Variants in GTPBP6 observed in about 807,000 individuals in gnomAD.
The protein encoded by GTPBP6 is putative GTP-binding protein 6.
A neutral mutation model predicts 28.9 loss-of-function variants in GTPBP6; 33 were observed. The ratio of observed to expected loss-of-function variants is 1.14; its 90% CI spans 0.87 to 1.53. The LOEUF (loss-of-function observed/expected upper bound fraction) is 1.53. GTPBP6 is among the 40% of genes most tolerant of loss of function. The pLI is 0.00. For missense variants in GTPBP6, 507 were observed against 408.3 expected (o/e 1.24, Z -2.08); for synonymous variants, 231 against 192.7 (o/e 1.20, Z -1.65).
exon 7 of GTPBP6, chrX:311,554 C>G (rs748545128): frequency 6.2e-7 from 1 of 1,612,448 alleles, no homozygotes; most frequent in South Asian, 1.1e-5. Context: ...CCGTGACGTC[C>G]AGCGTGGCAA....
At chrX:310,472 T>C (rs2070263064) in intron 7 of GTPBP6, among the ~76,000 whole-genome samples, 2 of 130,590 alleles carry the variant, frequency 1.5e-5, no homozygotes, top group Admixed American at 7.3e-5. Flanking sequence ...GACCTGTCCA[T>C]GTATTGATCA....
At chrX:306,247 G>C (rs1245036334) in intron 9 of GTPBP6, among the ~76,000 whole-genome samples, 1 of 148,192 alleles carries the variant, frequency 6.7e-6, no homozygotes, top group Non-Finnish European at 1.5e-5. Flanking sequence ...GTTGTATGCA[G>C]TCAGAAATGT....
At chrX:305,133 C>T (rs776026650) in exon 10 of GTPBP6, 5 of 1,613,540 alleles carry the variant, frequency 3.1e-6, no homozygotes, top group East Asian at 2.2e-5. Flanking sequence ...ATGACCCTCA[C>T]GTCGGCCGCC....
intron 9 of GTPBP6, 63 bp from the exon 10 acceptor site, chrX:305,260 G>A (rs1378097672): frequency 8.1e-7 from 1 of 1,242,076 alleles, no homozygotes; most frequent in East Asian, 2.3e-5. Flanking sequence ...TTAGTTTCAT[G>A]ATAAATAATT....
chrX:314,169 C>G lies in GTPBP6; in HGVS notation c.738G>C (p.Ser246=), dbSNP rs200201384. The G allele has an allele frequency of 1.9e-6, 3 of 1,613,354 alleles. No individual in the cohort carries two copies. In the South Asian group the frequency reaches 3.3e-5, roughly 18 times the overall value. ...AGTTACCTGACCCCATGATGTAGCG[C>G]GAGCCGACTCCTCGGTACAGGTGGG... Residue 246 remains serine, a synonymous_variant, in exon 5 of 10, where the codon TCG becomes TCC. Transcript: ENST00000326153.
At chrX:306,191 C>T (rs1294392263) in intron 9 of GTPBP6, among the ~76,000 whole-genome samples, 1 of 151,892 alleles carries the variant, frequency 6.6e-6, no homozygotes, top group African/African-American at 2.4e-5. Flanking sequence ...CTGTTGTATG[C>T]AGTCAGAAAT....
At chrX:310,858 AG>A (rs1204386594) in intron 7 of GTPBP6, among the ~76,000 whole-genome samples, 1 of 150,292 alleles carries the variant, frequency 6.7e-6, no homozygotes, top group Non-Finnish European at 1.5e-5. Flanking sequence ...AGGTGTTTCC[AG>A]GGTCTCGGTG....
chrX:311,265 GGCCTGGCCCCTGGGCTGA>G (rs2070284814), intron 7 of GTPBP6, among the ~76,000 whole-genome samples, 136 bp downstream of exon 7: 1 of 77,308 alleles, frequency 1.3e-5, no homozygotes, highest in African/African-American at 4.4e-5. Context: ...GGTGTCCGAG[GGCCTGGCCCCTGGGCTGA>G]GTGGGTGTCC....
rs1158535897 is a variant in GTPBP6, at chrX:314,292, AG to A, written c.690-76del. 3.2e-6 allele frequency: 4 copies of A among 1,237,870 alleles called. No individual in the cohort carries two copies. In the Admixed American group the frequency reaches 6.9e-5, roughly 21 times the overall value. The allele number at this position is 1,237,870 out of a possible 1,614,324, so 76.7% of individuals were successfully genotyped here. A position where few individuals can be genotyped will look rare whatever the true frequency, so the allele number is the denominator to read the frequency against. On this transcript the variant is annotated intron_variant, in intron 4 of 9. Coordinates refer to ENST00000326153, the Ensembl canonical transcript of GTPBP6. ...CCGGCAGAGGTCGAGGTGAAGGTGAAGGGGGCACTGAGCTGGGCCTCTGGGC... is the reference window on the plus strand; with the variant it reads ...CCGGCAGAGGTCGAGGTGAAGGTGAAGGGGCACTGAGCTGGGCCTCTGGGC...
intron 7 of GTPBP6, among the ~76,000 whole-genome samples, chrX:308,227 G>A (rs1602955402): frequency 6.6e-6 from 1 of 152,146 alleles, no homozygotes; most frequent in Non-Finnish European, 1.5e-5. Flanking sequence ...CCTGTGAAAT[G>A]TCTTTTAACA....
Position 314,239 on chromosome X carries a change from C to T in GTPBP6, c.690-22G>A, listed in dbSNP as rs186106374. The stretch of plus-strand genomic sequence containing the variant: ...CGACCTGGTGTGGGAACGGGAGTGG[C>T]TCGGTCTCTGCGGACGCTGTCTCCC... On this transcript the variant is annotated intron_variant, in intron 4 of 9. Coordinates refer to ENST00000326153, the Ensembl canonical transcript of GTPBP6. 4,696 of 1,604,114 alleles carry T rather than the reference C, an allele frequency of 2.9e-3. 61 individuals are homozygous for T. The African/African-American group carries it at 0.039, about 13-fold the overall frequency.
At chrX:307,661 G>A in intron 8 of GTPBP6, 71 bp downstream of exon 8, 1 of 1,429,038 alleles carries the variant, frequency 7.0e-7, no homozygotes. Flanking sequence ...CGAGGAGACG[G>A]GGCATCTCCC....
chrX:317,299 G>A (rs1450409405), intron 1 of GTPBP6, among the ~76,000 whole-genome samples: 8 of 152,022 alleles, frequency 5.3e-5, no homozygotes, highest in African/African-American at 1.9e-4. Flanking sequence ...GGCTCCAGGC[G>A]GGCGCAGCAG....
chrX:305,512 G>A (rs1218960695), intron 9 of GTPBP6, among the ~76,000 whole-genome samples: 1 of 151,376 alleles, frequency 6.6e-6, no homozygotes, highest in Non-Finnish European at 1.5e-5. Context: ...TAGTAGAGAC[G>A]GGGTTTCACC....
chrX:311,649 G>A (rs2124460146), intron 6 of GTPBP6, 22 bp from the exon 7 acceptor site: 2 of 1,590,304 alleles, frequency 1.3e-6, no homozygotes, highest in East Asian at 4.5e-5. Context: ...TGGAGGTCAG[G>A]GCGCTGCAGA....
chrX:310,657 G>A (rs1346410942), intron 7 of GTPBP6, among the ~76,000 whole-genome samples: 6 of 151,278 alleles, frequency 4.0e-5, no homozygotes, highest in Admixed American at 2.6e-4. Context: ...CACAGACAGA[G>A]GCAGAGACTG....
intron 6 of GTPBP6, 37 bp from the exon 7 acceptor site, chrX:311,664 C>G (rs777396096): frequency 2.0e-6 from 3 of 1,515,678 alleles, no homozygotes; most frequent in Non-Finnish European, 2.7e-6. Flanking sequence ...TGCAGAGATC[C>G]CTGCGTCCCA....
At chrX:315,553 GACACACAC>G (rs1215331200) in intron 2 of GTPBP6, among the ~76,000 whole-genome samples, 1,167 of 110,416 alleles carry the variant, frequency 0.011, 6 homozygotes, top group African/African-American at 0.019. Context: ...TACACACGCA[GACACACAC>G]ACACACACAC....
At chrX:307,171 C>T (rs768170644) in intron 9 of GTPBP6, among the ~76,000 whole-genome samples, 189 bp downstream of exon 9, 10 of 124,984 alleles carry the variant, frequency 8.0e-5, no homozygotes, top group African/African-American at 2.8e-4. Flanking sequence ...GACTCTCAAG[C>T]GCAGATTAGG....
Sources: allele counts gnomAD v4.1 joint callset (sites outside exome capture counted in the v4.1 genomes callset), GRCh38; gene constraint gnomAD v4.1.1; transcripts MANE v1.5; gene names NCBI Gene and HGNC (gene_info 2026-07-23, HGNC 2026-07-21).